Variants in CLUL1 observed in about 807,000 individuals in gnomAD.
CLUL1 encodes clusterin like 1.
A neutral mutation model predicts 49.4 loss-of-function variants in CLUL1; 43 were observed. That is an observed-to-expected ratio of 0.87 (90% confidence interval 0.68 to 1.12). The LOEUF (loss-of-function observed/expected upper bound fraction) is 1.12, where lower values mean the gene tolerates loss of function less well. CLUL1 is among the 50% of genes most tolerant of loss of function. The pLI, the probability that CLUL1 is intolerant of heterozygous loss-of-function variation, is 0.00. For missense variants in CLUL1, 486 were observed against 544.4 expected (o/e 0.89, Z 1.07); for synonymous variants, 192 against 184.9 (o/e 1.04, Z -0.31).
rs140948850 is a variant in CLUL1, at chr18:605,825, C to T, written c.-135-1153C>T. 2.2e-3 allele frequency among the ~76,000 whole-genome samples: 336 copies of T among 152,062 alleles called. 10 individuals carry two copies. The East Asian group carries it at 0.048, about 22-fold the overall frequency. On this transcript the variant is annotated intron_variant, in intron 1 of 9. Coordinates refer to ENST00000692774, the MANE Select transcript of CLUL1 (RefSeq NM_001393344.1). ...CAGAGTAGCTGGGACTACAGGTGTG[C>T]GCCACCATGTCCAGATAATTTTGTA...
At chr18:649,834 A>G in intron 9 of CLUL1, 64 bp from the exon 10 acceptor site, 1 of 1,088,166 alleles carries the variant, frequency 9.2e-7, no homozygotes, top group South Asian at 1.4e-5. Context: ...AAGAAAAAAT[A>G]CACTGAGTCT....
At chr18:621,710 G>T (rs2073491282) in intron 4 of CLUL1, among the ~76,000 whole-genome samples, 1 of 152,160 alleles carries the variant, frequency 6.6e-6, no homozygotes, top group African/African-American at 2.4e-5. Context: ...GAAAACTGGG[G>T]TTTGAGATGT....
chr18:598,116 A>T (rs1413323977), intron 1 of CLUL1: 1 of 153,912 alleles, frequency 6.5e-6, no homozygotes, highest in Non-Finnish European at 1.4e-5. Flanking sequence ...CATTAATGCA[A>T]CTCCTCAGTC....
intron 4 of CLUL1, among the ~76,000 whole-genome samples, chr18:620,909 G>A (rs1370864792): frequency 1.3e-5 from 2 of 151,844 alleles, no homozygotes; most frequent in East Asian, 3.9e-4. Flanking sequence ...AAATCAAAGA[G>A]GAAATTAAAA....
chr18:606,935 G>A lies in CLUL1; in HGVS notation c.-135-43G>A, dbSNP rs1050776214. 4.3e-5 allele frequency: 25 copies of A among 586,496 alleles called. No homozygotes were observed. Among genetic ancestry groups the A allele is most frequent in the Non-Finnish European group, 7.0e-5 (23 of 330,868 alleles). The allele number at this position is 586,496 out of a possible 1,614,324, so 36.3% of individuals were successfully genotyped here. A position where few individuals can be genotyped will look rare whatever the true frequency, so the allele number is the denominator to read the frequency against. On this transcript the variant is annotated intron_variant, in intron 1 of 9. Transcript: ENST00000692774. This position sits in a 1 kb window ranked among gnomAD's most constrained non-coding sequence, Gnocchi z 4.1. ...TAGAATATTTGTAATAATTTTAGGC[G>A]GCTCCCTAAAATTTCTTTTCTTTTT...
chr18:633,194 A>G, intron 6 of CLUL1, 104 bp from the exon 7 acceptor site: 1 of 908,974 alleles, frequency 1.1e-6, no homozygotes, highest in Non-Finnish European at 1.6e-6. Flanking sequence ...CATATAGGAA[A>G]AAGATTTTGA....
At chr18:604,817 G>T (rs1219606661) in intron 1 of CLUL1, among the ~76,000 whole-genome samples, 2 of 152,166 alleles carry the variant, frequency 1.3e-5, no homozygotes, top group Non-Finnish European at 2.9e-5. Flanking sequence ...GCAGGTTGCT[G>T]GTTGCCCCTT....
chr18:603,936 A>T (rs936305201), intron 1 of CLUL1, among the ~76,000 whole-genome samples: 2 of 152,196 alleles, frequency 1.3e-5, no homozygotes, highest in Non-Finnish European at 2.9e-5. Flanking sequence ...GCTGGAGTGC[A>T]GTGTCGTGAT....
Position 627,498 on chromosome 18 carries a change from G to C in CLUL1, c.825G>C (p.Lys275Asn), listed in dbSNP as rs772694442. 2.5e-6 allele frequency: 4 copies of C among 1,610,168 alleles called. No homozygotes were observed. The Admixed American group carries it at 6.7e-5, about 27-fold the overall frequency. ...GTGAAACAATTACTAAGATGCTGAA[G>C]GCAATAGAAGATTTACCAAAACAAG... ...SVSETITKML[K>N]AIEDLPKQDK... is the part of the protein sequence containing the mutation. Residue 275 changes from lysine (K) to asparagine (N), a missense_variant, in exon 6 of 10, where the codon AAG becomes AAC. By Grantham distance (94) the Lys-to-Asn change is moderately conservative. Transcript: ENST00000692774.
Position 641,517 on chromosome 18 carries a change from A to G in CLUL1, c.1185A>G (p.Thr395=), listed in dbSNP as rs767566187. The G allele has an allele frequency of 5.0e-6, 8 of 1,614,082 alleles. No homozygotes were observed. The Admixed American group carries it at 5.0e-5, about 10-fold the overall frequency. ...VSELANQAPE[T]EIIFNSIQVV... is the part of the protein sequence containing the mutation. ...AACTGGCAAACCAGGCCCCAGAAACAGAGATCATCTTTAATTCAATACAGG... is the reference window on the plus strand; with the variant it reads ...AACTGGCAAACCAGGCCCCAGAAACGGAGATCATCTTTAATTCAATACAGG... The change falls in exon 8 of 10, where the codon ACA becomes ACG. Residue 395 remains threonine (T), a synonymous_variant. Coordinates refer to ENST00000692774, the MANE Select transcript of CLUL1 (RefSeq NM_001393344.1).
intron 8 of CLUL1, among the ~76,000 whole-genome samples, chr18:643,285 A>G (rs893885423): frequency 6.6e-6 from 1 of 152,142 alleles, no homozygotes; most frequent in Non-Finnish European, 1.5e-5. Context: ...TTGAATCATG[A>G]TGTCAAGTGT....
intron 1 of CLUL1, chr18:598,444 C>T (rs1277405873): frequency 2.5e-6 from 1 of 397,948 alleles, no homozygotes; most frequent in African/African-American, 2.1e-5. Context: ...CTTTCGACAG[C>T]CTGGAGTCTC....
At chr18:616,756 A>C (rs545649168) in intron 2 of CLUL1, 1 of 951,852 alleles carries the variant, frequency 1.1e-6, no homozygotes, top group African/African-American at 1.8e-5. Context: ...AGATATTGCA[A>C]AGTTAGTGGT....
At chr18:647,829 CACTCA>C (rs1459957460) in intron 9 of CLUL1, among the ~76,000 whole-genome samples, 1 of 152,154 alleles carries the variant, frequency 6.6e-6, no homozygotes, top group Non-Finnish European at 1.5e-5. Context: ...CACCATGTAG[CACTCA>C]ACTCTTGTAA....
rs2072667171 is a variant in CLUL1 at position 596,992 on chromosome 18, T to TGCGTCACCTGCAGGCCCCGCCCACCCG, written c.-256_-255insCGCCCACCCGGCGTCACCTGCAGGCCC. On this transcript the variant is annotated 5_prime_UTR_variant, in exon 1 of 10. Coordinates refer to ENST00000692774, the MANE Select transcript of CLUL1 (RefSeq NM_001393344.1). ...CGGCGTCTGCAGGCCCCGCCCACCC[T>TGCGTCACCTGCAGGCCCCGCCCACCCG]GCGTCACCTGCAGGCCCGGGCCGCG... 7 of 98,404 alleles carry TGCGTCACCTGCAGGCCCCGCCCACCCG rather than the reference T, an allele frequency of 7.1e-5. No homozygotes were observed. The highest frequency in any genetic ancestry group is 4.0e-4 in the South Asian group (1 of 2,480). The allele number at this position is 98,404 out of a possible 1,614,324, so 6.1% of individuals were successfully genotyped here.
intron 2 of CLUL1, among the ~76,000 whole-genome samples, chr18:609,571 C>A (rs889601817): frequency 6.6e-6 from 1 of 152,022 alleles, no homozygotes; most frequent in African/African-American, 2.4e-5. Flanking sequence ...TGGCTGCAAT[C>A]CCATCACTTT....
chr18:605,272 TA>T, intron 1 of CLUL1, among the ~76,000 whole-genome samples: 1 of 152,360 alleles, frequency 6.6e-6, no homozygotes, highest in Admixed American at 6.5e-5. Flanking sequence ...ATTCCTCAAA[TA>T]GTTTTTAAAT....
chr18:630,551 G>A (rs968858993), intron 6 of CLUL1, among the ~76,000 whole-genome samples: 7 of 152,066 alleles, frequency 4.6e-5, no homozygotes, highest in Non-Finnish European at 4.4e-5. Context: ...CGACTTTGAC[G>A]ACCTTGAAGA....
intron 6 of CLUL1, among the ~76,000 whole-genome samples, chr18:632,176 C>G (rs2074009299): frequency 6.6e-6 from 1 of 152,182 alleles, no homozygotes; most frequent in South Asian, 2.1e-4. Context: ...ATAGACTTCT[C>G]TTTTACACAT....
Sources: gnomAD v4.1 joint callset for allele counts (sites outside exome capture counted in the v4.1 genomes callset) on GRCh38, gnomAD v4.1.1 for gene constraint, Gnocchi (gnomAD v3.1) non-coding constraint, MANE v1.5 for transcripts, NCBI Gene and HGNC (gene_info 2026-07-23, HGNC 2026-07-21) for gene names.